The following FOXJ3 variants were observed in gnomAD, a reference collection of about 807,000 sequenced individuals.
The protein encoded by FOXJ3 is forkhead box J3, also known as forkhead box protein J3.
A neutral mutation model predicts 76.1 loss-of-function variants in FOXJ3; 22 were observed. The ratio of observed to expected loss-of-function variants is 0.29; its 90% CI spans 0.21 to 0.41. The LOEUF (loss-of-function observed/expected upper bound fraction) is 0.41, where lower values mean the gene tolerates loss of function less well. FOXJ3 is among the 10% of genes least tolerant of loss of function. The pLI is 1.00. For synonymous variants in FOXJ3, 269 were observed against 261.2 expected, an observed-to-expected ratio of 1.03 and a Z score of -0.29; for missense variants, 613 against 762.1, an observed-to-expected ratio of 0.80 and a Z score of 2.30.
chr1:42,297,180 G>A (rs1181004266), intron 2 of FOXJ3, among the ~76,000 whole-genome samples: 1 of 152,128 alleles, frequency 6.6e-6, no homozygotes, highest in African/African-American at 2.4e-5. Flanking sequence ...CTTCAACGAA[G>A]TCTAGGAGTC....
intron 4 of FOXJ3, among the ~76,000 whole-genome samples, chr1:42,245,295 G>C (rs1649464285): frequency 6.6e-6 from 1 of 152,018 alleles, no homozygotes; most frequent in African/African-American, 2.4e-5. Context: ...AAATTAAAGA[G>C]GAAGGAATTC....
chr1:42,236,940 T>C (rs888680842), intron 4 of FOXJ3, among the ~76,000 whole-genome samples: 1 of 152,242 alleles, frequency 6.6e-6, no homozygotes, highest in Non-Finnish European at 1.5e-5. Flanking sequence ...TTGCCACCCA[T>C]ATATTATCCT....
At chr1:42,192,086 C>A (rs948820957) in intron 8 of FOXJ3, among the ~76,000 whole-genome samples, 1 of 152,058 alleles carries the variant, frequency 6.6e-6, no homozygotes, top group East Asian at 1.9e-4. Flanking sequence ...AGGAAATGTT[C>A]GGGGAAAAGT....
At chr1:42,199,987 CAG>C (rs1646728095) in intron 6 of FOXJ3, among the ~76,000 whole-genome samples, 1 of 107,654 alleles carries the variant, frequency 9.3e-6, no homozygotes, top group South Asian at 3.1e-4. Flanking sequence ...AGCCTGGTGA[CAG>C]AGCGAGACTC....
intron 1 of FOXJ3, among the ~76,000 whole-genome samples, chr1:42,313,652 C>A (rs1486111510): frequency 6.6e-6 from 1 of 152,130 alleles, no homozygotes; most frequent in Non-Finnish European, 1.5e-5. Flanking sequence ...GTGTGGACTG[C>A]CCCTCGTCCT....
At chr1:42,248,530 T>A (rs1355483813) in intron 4 of FOXJ3, among the ~76,000 whole-genome samples, 1 of 72,782 alleles carries the variant, frequency 1.4e-5, no homozygotes, top group African/African-American at 4.5e-5. Flanking sequence ...CAAGACTGCG[T>A]CTCCAAAAAA....
chr1:42,287,658 C>G (rs1419104570), intron 2 of FOXJ3, among the ~76,000 whole-genome samples: 1 of 152,078 alleles, frequency 6.6e-6, no homozygotes, highest in East Asian at 1.9e-4. Flanking sequence ...AATCTAAAGC[C>G]TTCCTTAGAA....
At chr1:42,212,749 C>T (rs1247585747) in intron 5 of FOXJ3, among the ~76,000 whole-genome samples, 6 of 151,824 alleles carry the variant, frequency 4.0e-5, no homozygotes, top group African/African-American at 1.4e-4. Context: ...AAGGACATCA[C>T]CAAAGGCATG....
intron 4 of FOXJ3, among the ~76,000 whole-genome samples, chr1:42,254,675 G>A (rs1325476032): frequency 7.0e-6 from 1 of 143,520 alleles, no homozygotes; most frequent in Non-Finnish European, 1.5e-5. Flanking sequence ...GGACATGGAT[G>A]AAATTGGAAA....
intron 1 of FOXJ3, chr1:42,334,849 G>C (rs1313532663): frequency 6.6e-6 from 1 of 152,218 alleles, no homozygotes; most frequent in Non-Finnish European, 1.5e-5. Flanking sequence ...GCGCCGCGGG[G>C]GAGGGAAGGA....
At chr1:42,329,116 T>C (rs1412977897) in intron 1 of FOXJ3, among the ~76,000 whole-genome samples, 2 of 152,224 alleles carry the variant, frequency 1.3e-5, no homozygotes, top group Non-Finnish European at 2.9e-5. Flanking sequence ...TTGATATACA[T>C]GTCAAATAGA....
chr1:42,248,206 C>T (rs1036132084), intron 4 of FOXJ3, among the ~76,000 whole-genome samples: 10 of 152,074 alleles, frequency 6.6e-5, no homozygotes, highest in Admixed American at 5.9e-4. Flanking sequence ...CACAACTTTG[C>T]AATTATAATA....
In FOXJ3 at chr1:42,250,894, T is replaced by G. The variant is rs1649980190; in HGVS notation, c.444+14221A>C. Among the ~76,000 whole-genome samples, 3 of 130,426 alleles carry G rather than the reference T, an allele frequency of 2.3e-5. No homozygotes were observed. The Admixed American group carries it at 2.5e-4, about 11-fold the overall frequency. 85.6% of individuals were successfully genotyped at this position (130,426 alleles called of 152,430 possible). A position where few individuals can be genotyped will look rare whatever the true frequency, so the allele number is the denominator to read the frequency against. ...GTCAGAGATCCTGAAAATAGATAAG[T>G]AGAAACTAACAAACCTGAAGAACAA... On this transcript the variant is annotated intron_variant, in intron 4 of 12. Coordinates refer to ENST00000361346, the MANE Select transcript of FOXJ3 (RefSeq NM_014947.5).
chr1:42,189,542 C>A, intron 9 of FOXJ3, 138 bp from the exon 10 acceptor site: 1 of 618,212 alleles, frequency 1.6e-6, no homozygotes, highest in Non-Finnish European at 2.9e-6. Flanking sequence ...CCCATTATAT[C>A]ACGTGTTGGG....
chr1:42,267,208 AC>A (rs1651531314), intron 3 of FOXJ3, among the ~76,000 whole-genome samples: 1 of 152,146 alleles, frequency 6.6e-6, no homozygotes, highest in African/African-American at 2.4e-5. Context: ...CCTTGCCTCT[AC>A]CAAAAGCATA....
At chr1:42,264,051 C>T (rs567198114) in intron 4 of FOXJ3, among the ~76,000 whole-genome samples, 4 of 142,212 alleles carry the variant, frequency 2.8e-5, no homozygotes, top group South Asian at 2.2e-4. Flanking sequence ...ACAATGATGA[C>T]GGTCGCTACA....
intron 1 of FOXJ3, among the ~76,000 whole-genome samples, chr1:42,324,201 T>C (rs1655673843): frequency 6.4e-5 from 1 of 15,704 alleles, no homozygotes; most frequent in Non-Finnish European, 1.7e-4. Context: ...ATATATACTA[T>C]ATATATACTA....
At chr1:42,301,384 A>G (rs952093186) in intron 2 of FOXJ3, among the ~76,000 whole-genome samples, 17 of 151,906 alleles carry the variant, frequency 1.1e-4, no homozygotes, top group African/African-American at 3.4e-4. Context: ...TATTTTTAGT[A>G]GAGATGGGGT....
chr1:42,226,568 A>G (rs1285875970), intron 5 of FOXJ3, among the ~76,000 whole-genome samples: 1 of 152,010 alleles, frequency 6.6e-6, no homozygotes, highest in Non-Finnish European at 1.5e-5. Flanking sequence ...AGATCATGCC[A>G]TTGCACTCTA....
Sources: gnomAD v4.1 joint callset for allele counts (sites outside exome capture counted in the v4.1 genomes callset) on GRCh38, gnomAD v4.1.1 for gene constraint, MANE v1.5 for transcripts, NCBI Gene and HGNC (gene_info 2026-07-23, HGNC 2026-07-21) for gene names.